The following TRDN variants were observed in gnomAD, a reference collection of about 807,000 sequenced individuals.
The protein encoded by TRDN is triadin, also known as triadin in skeletal muscle.
Under a neutral mutation model 149.7 loss-of-function variants are expected in TRDN, and 161 were observed. The observed-to-expected ratio is 1.08, with a 90% CI of 0.95 to 1.23. The LOEUF (loss-of-function observed/expected upper bound fraction) is 1.23, where lower values mean the gene tolerates loss of function less well. Ranked by LOEUF, TRDN falls within the 50% of genes most tolerant of loss-of-function variation. TRDN has a pLI of 0.00. For missense variants in TRDN, 896 were observed against 823.5 expected (o/e 1.09, Z -1.08); for synonymous variants, 294 against 250.5 (o/e 1.17, Z -1.64).
intron 12 of TRDN, among the ~76,000 whole-genome samples, chr6:123,394,108 C>A (rs1772623618): frequency 6.6e-6 from 1 of 152,108 alleles, no homozygotes; most frequent in African/African-American, 2.4e-5. Flanking sequence ...CAACCAATCC[C>A]AAGTTCAAGC....
intron 24 of TRDN, among the ~76,000 whole-genome samples, chr6:123,289,016 G>T (rs1583167): frequency 0.098 from 10,162 of 103,944 alleles, 847 homozygotes; most frequent in African/African-American, 0.23. Context: ...AAATGTGGGG[G>T]GTGTGTGTGT....
intron 5 of TRDN, among the ~76,000 whole-genome samples, chr6:123,526,156 G>A (rs1285227246): frequency 6.6e-6 from 1 of 152,024 alleles, no homozygotes; most frequent in Non-Finnish European, 1.5e-5. Flanking sequence ...ATAGTAGAAA[G>A]GGGATTTAAA....
intron 24 of TRDN, among the ~76,000 whole-genome samples, chr6:123,311,259 A>G (rs1356516365): frequency 1.3e-5 from 2 of 151,880 alleles, no homozygotes; most frequent in Non-Finnish European, 2.9e-5. Flanking sequence ...TAAAACCATC[A>G]GATCCCATGA....
At chr6:123,618,734 G>A (rs1785230584) in intron 1 of TRDN, among the ~76,000 whole-genome samples, 1 of 152,042 alleles carries the variant, frequency 6.6e-6, no homozygotes, top group East Asian at 1.9e-4. Context: ...TATCTTTTGG[G>A]CATTCTAATT....
intron 5 of TRDN, among the ~76,000 whole-genome samples, chr6:123,521,871 C>A (rs1393718184): frequency 6.6e-6 from 1 of 152,140 alleles, no homozygotes; most frequent in Non-Finnish European, 1.5e-5. Flanking sequence ...CTGTGAAGTA[C>A]TTACTACACG....
At chr6:123,337,068 A>G (rs1371669367) in intron 22 of TRDN, among the ~76,000 whole-genome samples, 1 of 152,010 alleles carries the variant, frequency 6.6e-6, no homozygotes, top group South Asian at 2.1e-4. Flanking sequence ...AAATTTAATT[A>G]AGAATTTCAT....
In TRDN at chr6:123,423,730, A is replaced by G. The variant is rs114340361; in HGVS notation, c.1051+14333T>C. ...GAATCATAGTCTTGAAATACCTTTA[A>G]ACTTCTACCTTAATATGTTTTTTTG... On this transcript the variant is annotated intron_variant, in intron 12 of 40. Coordinates refer to ENST00000334268, the MANE Select transcript of TRDN (RefSeq NM_006073.4). Among the ~76,000 whole-genome samples, 481 of 152,234 alleles carry G rather than the reference A, an allele frequency of 3.2e-3. 4 individuals carry two copies. Among genetic ancestry groups the G allele is most frequent in the African/African-American group, 0.011 (464 of 41,558 alleles).
intron 9 of TRDN, chr6:123,489,653 G>A (rs1390453855): frequency 6.6e-6 from 1 of 151,850 alleles, no homozygotes; most frequent in African/African-American, 2.4e-5. Context: ...CTTATATTAA[G>A]CATTTTCTAT....
At chr6:123,271,580 T>TGGGAACC (rs1777207838) in intron 29 of TRDN, among the ~76,000 whole-genome samples, 1 of 152,030 alleles carries the variant, frequency 6.6e-6, no homozygotes, top group Non-Finnish European at 1.5e-5. Flanking sequence ...GATACCTCCC[T>TGGGAACC]GGGAACCCAG....
At chr6:123,534,125 C>T (rs181181812) in intron 4 of TRDN, among the ~76,000 whole-genome samples, 1 of 152,190 alleles carries the variant, frequency 6.6e-6, no homozygotes, top group Admixed American at 6.6e-5. Context: ...GATACACACA[C>T]AGTAAAGTCT....
intron 10 of TRDN, among the ~76,000 whole-genome samples, chr6:123,448,965 G>C (rs1374244445): frequency 6.6e-6 from 1 of 152,064 alleles, no homozygotes; most frequent in Non-Finnish European, 1.5e-5. Context: ...ACCCAGAAGA[G>C]AGACAACAAT....
In TRDN at chr6:123,598,860, T is replaced by A. The variant is rs182028451; in HGVS notation, c.23-27728A>T. Among the ~76,000 whole-genome samples, 308 of 152,202 alleles carry A rather than the reference T, an allele frequency of 2.0e-3. 2 individuals are homozygous for A. The highest frequency in any genetic ancestry group is 7.2e-3 in the African/African-American group (299 of 41,544). On this transcript the variant is annotated intron_variant, in intron 1 of 40. Transcript: ENST00000334268. Reference sequence around the variant, plus strand: ...ACTTTAAAAAGTATTACATGTTTTTTAAATTTGGTAGTAATAATTTAAGCC... The same window carrying A: ...ACTTTAAAAAGTATTACATGTTTTTAAAATTTGGTAGTAATAATTTAAGCC...
chr6:123,539,334 C>T (rs563863097), intron 4 of TRDN, among the ~76,000 whole-genome samples: 60 of 152,268 alleles, frequency 3.9e-4, no homozygotes, highest in African/African-American at 1.4e-3. Flanking sequence ...CCATATGATG[C>T]TAACATTGCT....
At chr6:123,447,941 G>A (rs1428191110) in intron 10 of TRDN, among the ~76,000 whole-genome samples, 3 of 152,120 alleles carry the variant, frequency 2.0e-5, no homozygotes, top group Non-Finnish European at 4.4e-5. Context: ...GTGGGAAAGG[G>A]AGACCCTCTT....
At chr6:123,501,199 T>C (rs1206924397) in intron 8 of TRDN, among the ~76,000 whole-genome samples, 3 of 152,256 alleles carry the variant, frequency 2.0e-5, no homozygotes, top group Non-Finnish European at 4.4e-5. Flanking sequence ...ATTGAATATA[T>C]TCATATGTAT....
chr6:123,540,066 G>T (rs923546051), intron 4 of TRDN, among the ~76,000 whole-genome samples: 7 of 152,182 alleles, frequency 4.6e-5, no homozygotes, highest in African/African-American at 1.7e-4. Context: ...CAGTATTCCT[G>T]ATAATATTCC....
chr6:123,246,698 A>C (rs78388337), intron 38 of TRDN, among the ~76,000 whole-genome samples: 7,024 of 152,184 alleles, frequency 0.046, 491 homozygotes, highest in African/African-American at 0.16. Flanking sequence ...AACTATTCCA[A>C]ACAATAGAAT....
rs74450116 is a variant in TRDN at position 123,242,274 on chromosome 6, A to C, written c.1975+10138T>G. Among the ~76,000 whole-genome samples the C allele has an allele frequency of 3.1e-3, 469 of 152,296 alleles. 18 individuals are homozygous for C. In the East Asian group the frequency reaches 0.076, roughly 25 times the overall value. Reference sequence around the variant, plus strand: ...TTGCTTTTTTAGAGAAAAAGTTTTCAAAAAATTTAAAATGTTAATATCAGG... The same window carrying C: ...TTGCTTTTTTAGAGAAAAAGTTTTCCAAAAATTTAAAATGTTAATATCAGG... On this transcript the variant is annotated intron_variant, in intron 38 of 40. Transcript: ENST00000334268.
intron 12 of TRDN, among the ~76,000 whole-genome samples, chr6:123,404,104 C>G (rs1049255471): frequency 1.3e-5 from 2 of 152,236 alleles, no homozygotes; most frequent in Admixed American, 6.5e-5. Context: ...ATAAGCCACA[C>G]TTGATTATTT....
Sources: allele counts gnomAD v4.1 joint callset (sites outside exome capture counted in the v4.1 genomes callset), GRCh38; gene constraint gnomAD v4.1.1; transcripts MANE v1.5; gene names NCBI Gene and HGNC (gene_info 2026-07-23, HGNC 2026-07-21).